WDR7: variants seen among roughly 807,000 people sequenced by gnomAD.
The protein encoded by WDR7 is WD repeat domain 7.
WDR7 carries 46 observed loss-of-function variants against 169.4 expected under a neutral mutation model. The observed-to-expected ratio is 0.27, with a 90% CI of 0.21 to 0.35. WDR7 has a LOEUF of 0.35. Ranked by LOEUF, WDR7 falls within the 10% of genes least tolerant of loss-of-function variation. The probability of loss-of-function intolerance (pLI) is 1.00; values close to 1 mark genes in which losing one functional copy is unlikely to be tolerated. For missense variants in WDR7, 1,534 were observed against 1,859.3 expected (o/e 0.83, Z 3.22); for synonymous variants, 612 against 666.8 (o/e 0.92, Z 1.27).
chr18:56,946,634 T>C (rs1490854698), intron 25 of WDR7, among the ~76,000 whole-genome samples: 1 of 152,176 alleles, frequency 6.6e-6, no homozygotes, highest in African/African-American at 2.4e-5. Context: ...GTCTTTTTAC[T>C]GTATTCTAGA....
chr18:56,961,932 C>T (rs895914837), intron 25 of WDR7, among the ~76,000 whole-genome samples: 1 of 151,982 alleles, frequency 6.6e-6, no homozygotes, highest in Non-Finnish European at 1.5e-5. Flanking sequence ...TTTATGTAGT[C>T]TTTTTATGAT....
chr18:56,799,749 T>C (rs12327159), intron 19 of WDR7, among the ~76,000 whole-genome samples: 23,294 of 152,158 alleles, frequency 0.15, 2,421 homozygotes, highest in African/African-American at 0.3. Flanking sequence ...CTGTGAAACA[T>C]TCTAACTGAA....
chr18:56,741,384 TCTCTC>T (rs200814746), intron 14 of WDR7, among the ~76,000 whole-genome samples: 3,375 of 152,278 alleles, frequency 0.022, 42 homozygotes, highest in Non-Finnish European at 0.032. Flanking sequence ...AAAGCAGTCT[TCTCTC>T]TGCCTCTGCC....
At chr18:56,654,160 A>T (rs2024715527) in intron 1 of WDR7, among the ~76,000 whole-genome samples, 1 of 151,940 alleles carries the variant, frequency 6.6e-6, no homozygotes, top group Non-Finnish European at 1.5e-5. Flanking sequence ...TCTGAGATGG[A>T]GTCTCACTCT....
chr18:56,990,113 C>G (rs955549578), intron 26 of WDR7, among the ~76,000 whole-genome samples: 1 of 152,152 alleles, frequency 6.6e-6, no homozygotes, highest in African/African-American at 2.4e-5. Context: ...AACAAAATTG[C>G]TGGTATATAA....
chr18:56,691,346 A>C lies in WDR7; in HGVS notation c.848A>C (p.Tyr283Ser). 1 of 1,592,730 alleles carries C rather than the reference A, an allele frequency of 6.3e-7. No homozygotes were observed. The highest frequency in any genetic ancestry group is 8.5e-7 in the Non-Finnish European group (1 of 1,175,336). Residue 283 changes from tyrosine to serine, a missense_variant, in exon 8 of 28, where the codon TAC (tyrosine) becomes TCC (serine). By Grantham distance (144) the Tyr-to-Ser change is moderately radical. Coordinates refer to ENST00000254442, the MANE Select transcript of WDR7 (RefSeq NM_015285.3). ...IWTENGQSYI[Y>S]KLPASCLPAS... ...ACAGAAAATGGGCAAAGTTATATTT[A>C]CAAACTACCTGCCAGGTATGCAGCA...
At chr18:56,980,103 G>C (rs79537961) in intron 26 of WDR7, among the ~76,000 whole-genome samples, 3,547 of 152,220 alleles carry the variant, frequency 0.023, 127 homozygotes, top group African/African-American at 0.075. Flanking sequence ...AGGGACTCAG[G>C]TTAGGCTCTA....
intron 20 of WDR7, among the ~76,000 whole-genome samples, chr18:56,839,461 A>G (rs2045447463): frequency 6.6e-6 from 1 of 152,190 alleles, no homozygotes; most frequent in Non-Finnish European, 1.5e-5. Flanking sequence ...TATATGATTA[A>G]TAAGTTGACT....
chr18:56,880,632 T>C, intron 21 of WDR7, among the ~76,000 whole-genome samples: 1 of 152,338 alleles, frequency 6.6e-6, no homozygotes, highest in Middle Eastern at 3.4e-3. Flanking sequence ...GGCATATTAA[T>C]AAATTTGTAT....
chr18:56,976,823 T>G (rs2047572417), intron 26 of WDR7, among the ~76,000 whole-genome samples: 1 of 152,218 alleles, frequency 6.6e-6, no homozygotes, highest in Admixed American at 6.5e-5. Flanking sequence ...GATTCATTCC[T>G]GAGAGAAAAG....
chr18:56,694,213 T>C (rs2025645979), intron 9 of WDR7, among the ~76,000 whole-genome samples: 1 of 152,224 alleles, frequency 6.6e-6, no homozygotes, highest in African/African-American at 2.4e-5. Context: ...AAAGCAGGAA[T>C]AGTGAGTTCT....
chr18:56,844,631 G>A (rs566597370), intron 20 of WDR7, among the ~76,000 whole-genome samples: 11 of 152,200 alleles, frequency 7.2e-5, no homozygotes, highest in Non-Finnish European at 1.2e-4. Flanking sequence ...CTACCGCTCT[G>A]CAGCCATAGA....
intron 20 of WDR7, among the ~76,000 whole-genome samples, chr18:56,858,515 G>A (rs1053011720): frequency 2.0e-5 from 3 of 151,756 alleles, no homozygotes; most frequent in South Asian, 2.1e-4. Flanking sequence ...ACAAGGTCTC[G>A]CTCTGTTGCC....
At chr18:56,834,649 G>A (rs1222514737) in intron 20 of WDR7, among the ~76,000 whole-genome samples, 1 of 152,044 alleles carries the variant, frequency 6.6e-6, no homozygotes, top group Non-Finnish European at 1.5e-5. Flanking sequence ...GCAGACCAGT[G>A]CAAGTATTAC....
intron 1 of WDR7, among the ~76,000 whole-genome samples, chr18:56,668,094 T>A (rs2025060516): frequency 6.6e-6 from 1 of 152,230 alleles, no homozygotes; most frequent in Non-Finnish European, 1.5e-5. Context: ...CTCTGTTATA[T>A]CACAGCTTGA....
At chr18:57,014,898 G>A (rs892559666) in intron 26 of WDR7, among the ~76,000 whole-genome samples, 4 of 151,978 alleles carry the variant, frequency 2.6e-5, no homozygotes, top group Non-Finnish European at 5.9e-5. Flanking sequence ...GGGGCAGGCT[G>A]CTGCAACAGT....
At chr18:56,763,746 G>A (rs2044018722) in intron 16 of WDR7, among the ~76,000 whole-genome samples, 1 of 152,104 alleles carries the variant, frequency 6.6e-6, no homozygotes. Context: ...TTTAACTACG[G>A]ATTTAAAAGT....
At chr18:56,693,386 A>G (rs571802755) in intron 9 of WDR7, among the ~76,000 whole-genome samples, 1 of 152,248 alleles carries the variant, frequency 6.6e-6, no homozygotes, top group African/African-American at 2.4e-5. Flanking sequence ...GAAAGTACAC[A>G]TAAGATCCTA....
At chr18:57,008,630 C>G (rs953209183) in intron 26 of WDR7, among the ~76,000 whole-genome samples, 71 of 152,322 alleles carry the variant, frequency 4.7e-4, no homozygotes, top group African/African-American at 1.6e-3. Context: ...CTTTAAAGCT[C>G]AGTTCAAATA....
Sources: allele counts gnomAD v4.1 joint callset (sites outside exome capture counted in the v4.1 genomes callset), GRCh38; gene constraint gnomAD v4.1.1; transcripts MANE v1.5; gene names NCBI Gene and HGNC (gene_info 2026-07-23, HGNC 2026-07-21).